The following ZNF880 variants were observed in gnomAD, a reference collection of about 807,000 sequenced individuals.
The protein encoded by ZNF880 is zinc finger protein 880, also known as zinc finger protein LOC400713.
Under a neutral mutation model 11.8 loss-of-function variants are expected in ZNF880, and 12 were observed. The observed-to-expected ratio is 1.02, with a 90% confidence interval of 0.65 to 1.65. The LOEUF is 1.65. Ranked by LOEUF, ZNF880 falls within the 40% of genes most tolerant of loss-of-function variation. The pLI, the probability that ZNF880 is intolerant of heterozygous loss-of-function variation, is 0.00. For synonymous variants in ZNF880, 210 were observed against 232.4 expected (o/e 0.90, Z 0.88); for missense variants, 601 against 673.9 (o/e 0.89, Z 1.20).
At position 52,384,246 on chromosome 19, in the gene ZNF880, T is replaced by A. The variant is rs1167611891; in HGVS notation, c.666T>A (p.Ser222Arg). Residue 222 changes from serine to arginine, a missense_variant, in exon 4 of 4, where the codon AGT (serine) becomes AGA (arginine). Around this residue, in one of 3 missense-constraint regions of ZNF880, gnomAD observed 420 missense variants for 442.6 expected, o/e 0.95. Coordinates refer to ENST00000422689, the MANE Select transcript of ZNF880 (RefSeq NM_001145434.2). ...YKCNECDKVFSNSSNLVQHQR... is the reference protein window; with the variant it reads ...YKCNECDKVFRNSSNLVQHQR... ...GTAATGAATGTGACAAGGTCTTCAG[T>A]AACAGTTCAAACCTTGTACAACATC... is the stretch of plus-strand genomic sequence containing the variant. 2 of 1,613,038 alleles carry A rather than the reference T, an allele frequency of 1.2e-6. No homozygotes were observed. Among genetic ancestry groups the A allele is most frequent in the Non-Finnish European group, 1.7e-6 (2 of 1,179,394 alleles).
At chr19:52,376,954 G>A (rs963222282) in intron 3 of ZNF880, among the ~76,000 whole-genome samples, 2 of 152,062 alleles carry the variant, frequency 1.3e-5, no homozygotes, top group Non-Finnish European at 2.9e-5. Flanking sequence ...TTACTCTGCC[G>A]ATTATTTCTT....
intron 2 of ZNF880, among the ~76,000 whole-genome samples, 200 bp downstream of exon 2, chr19:52,373,437 TAAAATA>T (rs202079773): frequency 0.01 from 1,592 of 152,264 alleles, 10 homozygotes; most frequent in Admixed American, 0.021. Flanking sequence ...TTTCTGGACT[TAAAATA>T]ATTGCTTTCT....
the ZNF880 span, among the ~76,000 whole-genome samples, chr19:52,396,100 G>A: frequency 0.68 from 101,613 of 150,210 alleles, 35,456 homozygotes; most frequent in Non-Finnish European, 0.78. Flanking sequence ...GACTACAGGC[G>A]TGTGCCACCA....
intron 3 of ZNF880, 138 bp downstream of exon 3, chr19:52,374,565 G>A: frequency 1.9e-6 from 2 of 1,041,588 alleles, no homozygotes; most frequent in Non-Finnish European, 2.9e-6. Context: ...TCAAACTCCT[G>A]GTCTCAAGTG....
At chr19:52,389,295 T>C (rs1448070182), downstream of ZNF880, 1 of 152,180 alleles carries the variant, frequency 6.6e-6, no homozygotes, top group Non-Finnish European at 1.5e-5. Flanking sequence ...GTCTCTTCTG[T>C]TTATGAGCCT....
chr19:52,370,567 T>G (rs1196870867), intron 1 of ZNF880: 2 of 153,636 alleles, frequency 1.3e-5, no homozygotes, highest in Non-Finnish European at 2.9e-5. Context: ...GAGAATTCCT[T>G]GAGCACAGGA....
At chr19:52,367,113 G>GTT (rs34331117), upstream of ZNF880, 1,908 of 184,024 alleles carry the variant, frequency 0.01, no homozygotes, top group Middle Eastern at 0.025. Context: ...AAAGTTTAAA[G>GTT]TTTTTTTTTA....
At chr19:52,374,484 G>A (rs1986496457) in intron 3 of ZNF880, 57 bp downstream of exon 3, 3 of 1,547,584 alleles carry the variant, frequency 1.9e-6, no homozygotes, top group Non-Finnish European at 2.6e-6. Context: ...TTTTAAACAG[G>A]GTCTTGCTCT....
upstream of ZNF880, among the ~76,000 whole-genome samples, chr19:52,369,294 G>C (rs1346017045): frequency 6.7e-6 from 1 of 149,332 alleles, no homozygotes; most frequent in Non-Finnish European, 1.5e-5. Context: ...CCCAGGCGGC[G>C]GAGGTTGCAG....
chr19:52,376,500 C>T (rs1382944652), intron 3 of ZNF880, among the ~76,000 whole-genome samples: 1 of 21,208 alleles, frequency 4.7e-5, no homozygotes, highest in Non-Finnish European at 1.0e-4. Flanking sequence ...AGCACCGCCC[C>T]CCCCCCCCCT....
At position 52,373,150 on chromosome 19, in the gene ZNF880, CAGG is replaced by C. The variant is rs1233765395; in HGVS notation, c.58_60del (p.Glu20del). 6.2e-7 allele frequency: 1 copy of C among 1,613,428 alleles called. No homozygotes were observed. Among genetic ancestry groups the C allele is most frequent in the Non-Finnish European group, 8.5e-7 (1 of 1,179,630 alleles). On this transcript the variant is annotated inframe_deletion, in exon 2 of 4. Coordinates refer to ENST00000422689, the MANE Select transcript of ZNF880 (RefSeq NM_001145434.2). ...CAGGGACGTGGCCATAGAATTCCCT[CAGG>C]AGGAGTGGAAATGTCTGGACCCTGC...
downstream of ZNF880, chr19:52,390,318 C>A: frequency 2.5e-6 from 1 of 397,042 alleles, no homozygotes; most frequent in Admixed American, 2.7e-5. Flanking sequence ...TGGAGCGCAG[C>A]GACGCAGCCC....
Position 52,383,940 on chromosome 19 carries a change from G to C in ZNF880, c.360G>C (p.Gln120His). Residue 120 changes from glutamine (Q) to histidine (H), a missense_variant, in exon 4 of 4, where the codon CAG becomes CAC. By Grantham distance (24) the Gln-to-His change is conservative (BLOSUM62 0). Around this residue, in one of 3 missense-constraint regions of ZNF880, gnomAD observed 420 missense variants for 442.6 expected, o/e 0.95. Coordinates refer to ENST00000422689, the MANE Select transcript of ZNF880 (RefSeq NM_001145434.2). ...TTCAGTTACATCTGAGTGAACTGCAGCTATTTCAAGCTGAAAGGAATATTT... is the reference window on the plus strand; with the variant it reads ...TTCAGTTACATCTGAGTGAACTGCACCTATTTCAAGCTGAAAGGAATATTT... ...LTFQLHLSEL[Q>H]LFQAERNISG... is the part of the protein sequence containing the mutation. The C allele has an allele frequency of 6.4e-7, 1 of 1,557,484 alleles. No homozygotes were observed. The highest frequency in any genetic ancestry group is 8.7e-7 in the Non-Finnish European group (1 of 1,149,946).
rs146543607 is a variant in ZNF880, at chr19:52,376,858, T to C, written c.268+2431T>C. Among the ~76,000 whole-genome samples the C allele has an allele frequency of 8.8e-3, 1,343 of 152,200 alleles. 16 individuals are homozygous for C. The highest frequency in any genetic ancestry group is 0.029 in the African/African-American group (1,220 of 41,510). On this transcript the variant is annotated intron_variant, in intron 3 of 3. Coordinates refer to ENST00000422689, the MANE Select transcript of ZNF880 (RefSeq NM_001145434.2). ...TGTTTGTTTTTTTCTTGCTGATTTG[T>C]TTGAGTTCCTTGTAGATTCTGGATA...
chr19:52,373,655 T>C (rs2122354978), intron 2 of ZNF880, among the ~76,000 whole-genome samples: 1 of 150,456 alleles, frequency 6.6e-6, no homozygotes, highest in South Asian at 2.1e-4. Context: ...GATGAATTCA[T>C]GTGAAATACT....
chr19:52,366,868 T>G (rs1249270914), upstream of ZNF880: 6 of 917,580 alleles, frequency 6.5e-6, no homozygotes, highest in South Asian at 1.7e-5. Flanking sequence ...GAATTTAGTT[T>G]GCATTGAAGC....
intron 1 of ZNF880, among the ~76,000 whole-genome samples, chr19:52,372,223 A>G (rs571229944): frequency 2.0e-5 from 3 of 151,760 alleles, no homozygotes; most frequent in South Asian, 2.1e-4. Flanking sequence ...TGACGCTTCT[A>G]TAGAAATAAC....
chr19:52,370,288 G>T, intron 1 of ZNF880: 1 of 418,812 alleles, frequency 2.4e-6, no homozygotes, highest in Non-Finnish European at 4.4e-6. Context: ...CCCGCGAGAT[G>T]GATCCACGTC....
intron 1 of ZNF880, among the ~76,000 whole-genome samples, chr19:52,372,723 A>C (rs1385279263): frequency 2.0e-5 from 3 of 150,426 alleles, no homozygotes; most frequent in East Asian, 4.0e-4. Context: ...AACATGGTGA[A>C]ACCGCATCTC....
Sources: allele counts gnomAD v4.1 joint callset (sites outside exome capture counted in the v4.1 genomes callset), GRCh38; gene constraint gnomAD v4.1.1; regional missense constraint gnomAD v4.1.1; transcripts MANE v1.5; gene names NCBI Gene and HGNC (gene_info 2026-07-23, HGNC 2026-07-21).